The following IGSF3 variants were observed in gnomAD, a reference collection of about 807,000 sequenced individuals.
IGSF3 encodes glu-Trp-Ile EWI motif-containing protein 3.
IGSF3 carries 23 observed loss-of-function variants against 114.4 expected under a neutral mutation model. The ratio of observed to expected loss-of-function variants is 0.20; its 90% CI spans 0.14 to 0.28. The LOEUF (loss-of-function observed/expected upper bound fraction) is 0.28, where lower values mean the gene tolerates loss of function less well. Among genes scored for constraint, IGSF3 ranks in the 10% least tolerant of loss-of-function variants. The pLI is 1.00. For missense variants in IGSF3, 1,172 were observed against 1,591.5 expected, an observed-to-expected ratio of 0.74 and a Z score of 4.48; for synonymous variants, 571 against 645.2, an observed-to-expected ratio of 0.88 and a Z score of 1.74.
At position 116,608,182 on chromosome 1, in the gene IGSF3, T is replaced by C. The variant is rs1660869361; in HGVS notation, c.982A>G (p.Met328Val). The part of the protein sequence containing the change: ...WAFNSSLIAT[M>V]GPNAVPVLNS... ...AGGACAGGCACAGCGTTAGGACCCA[T>C]GGTGGCGATGAGCGAGCTGTTGAAG... The change falls in exon 5 of 11, where the codon ATG becomes GTG. Residue 328 changes from methionine to valine, a missense_variant. Coordinates refer to ENST00000369486, the MANE Select transcript of IGSF3 (RefSeq NM_001007237.3). 3 of 1,612,278 alleles carry C rather than the reference T, an allele frequency of 1.9e-6. No individual in the cohort carries two copies. The highest frequency in any genetic ancestry group is 2.2e-5 in the South Asian group (2 of 91,022).
intron 2 of IGSF3, among the ~76,000 whole-genome samples, chr1:116,620,478 T>C (rs548681105): frequency 6.6e-6 from 1 of 152,268 alleles, no homozygotes; most frequent in East Asian, 1.9e-4. Flanking sequence ...TCAGCACTAC[T>C]CCCCTCTCAG....
rs140674597 is a variant in IGSF3, at chr1:116,657,253, C to T, written c.43+9031G>A. On this transcript the variant is annotated intron_variant, in intron 2 of 10. Transcript: ENST00000369486. This position sits in a 1 kb window ranked among gnomAD's most constrained non-coding sequence, Gnocchi z 4.2. ...GCTGCTCAACTCTGCATCTCCTTTC[C>T]TCTCCCTGATGAAAAGTGCCACCTA... Among the ~76,000 whole-genome samples, 371 of 152,246 alleles carry T rather than the reference C, an allele frequency of 2.4e-3. 2 individuals are homozygous for T. The highest frequency in any genetic ancestry group is 8.5e-3 in the African/African-American group (353 of 41,544).
In IGSF3 at chr1:116,636,856, CA is replaced by C. The variant is rs1647853745; in HGVS notation, c.44-20400del. On this transcript the variant is annotated intron_variant, in intron 2 of 10. Transcript: ENST00000369486. The surrounding 1 kb of genome is among the most constrained non-coding windows in gnomAD (Gnocchi z 4.5). Reference sequence around the variant, plus strand: ...TTCCTGGCTTTAAAACAAATTGTGACAAATGGCTCCACAGATCTACCGGGCC... The same window carrying C: ...TTCCTGGCTTTAAAACAAATTGTGACAATGGCTCCACAGATCTACCGGGCC... Among the ~76,000 whole-genome samples the C allele has an allele frequency of 6.6e-6, 1 of 152,114 alleles. No homozygotes were observed. Among genetic ancestry groups the C allele is most frequent in the African/African-American group, 2.4e-5 (1 of 41,408 alleles).
intron 9 of IGSF3, among the ~76,000 whole-genome samples, chr1:116,580,798 GA>G (rs1659572191): frequency 6.6e-6 from 1 of 152,206 alleles, no homozygotes; most frequent in Non-Finnish European, 1.5e-5. Flanking sequence ...AAGACAGAGA[GA>G]AAGTGGCCAT....
intron 4 of IGSF3, among the ~76,000 whole-genome samples, chr1:116,611,578 G>A (rs562794939): frequency 3.3e-4 from 50 of 151,960 alleles, no homozygotes; most frequent in African/African-American, 9.2e-4. Context: ...CTCAACATCC[G>A]GAACTAGTCA....
chr1:116,658,137 G>A (rs1468214564), intron 2 of IGSF3, among the ~76,000 whole-genome samples: 5 of 151,974 alleles, frequency 3.3e-5, no homozygotes, highest in Admixed American at 6.6e-5. Context: ...CGCCTCCCAG[G>A]TTCAAGAGAT....
Position 116,657,962 on chromosome 1 carries a change from A to T in IGSF3, c.43+8322T>A, listed in dbSNP as rs866534673. Among the ~76,000 whole-genome samples, 2 of 152,016 alleles carry T rather than the reference A, an allele frequency of 1.3e-5. No homozygotes were observed. The highest frequency in any genetic ancestry group is 4.2e-4 in the South Asian group (2 of 4,816). On this transcript the variant is annotated intron_variant, in intron 2 of 10. Transcript: ENST00000369486. The surrounding 1 kb of genome is among the most constrained non-coding windows in gnomAD (Gnocchi z 4.2). ...CCTGGACACCTGAAAGTTGACGGGAAGCAGGCATTACTCATTTCTCCGAGT... is the reference window on the plus strand; with the variant it reads ...CCTGGACACCTGAAAGTTGACGGGATGCAGGCATTACTCATTTCTCCGAGT...
rs985393201 is a variant in IGSF3 at position 116,576,135 on chromosome 1, G to A, written c.*1177C>T. 1.3e-5 allele frequency: 2 copies of A among 152,286 alleles called. No individual in the cohort carries two copies. Among genetic ancestry groups the A allele is most frequent in the African/African-American group, 4.8e-5 (2 of 41,418 alleles). 9.4% of individuals were successfully genotyped at this position (152,286 alleles called of 1,614,324 possible). A position where few individuals can be genotyped will look rare whatever the true frequency, so the allele number is the denominator to read the frequency against. ...AAAAACCTAGTCTTCACACCTCCAG[G>A]GAGGTAGATATTTCTCTGCACTCTC... On this transcript the variant is annotated 3_prime_UTR_variant, in exon 11 of 11. Coordinates refer to ENST00000369486, the MANE Select transcript of IGSF3 (RefSeq NM_001007237.3). The surrounding 1 kb of genome is among the most constrained non-coding windows in gnomAD (Gnocchi z 4.6).
rs1649173651 is a variant in IGSF3 at position 116,662,955 on chromosome 1, G to T, written c.43+3329C>A. Among the ~76,000 whole-genome samples, 1 of 152,132 alleles carries T rather than the reference G, an allele frequency of 6.6e-6. No individual in the cohort carries two copies. Among genetic ancestry groups the T allele is most frequent in the African/African-American group, 2.4e-5 (1 of 41,424 alleles). ...CTAACTAACTGGGAAGTAAGAGATG[G>T]CTTCCTCAGCCTTACCGTATTCAAA... On this transcript the variant is annotated intron_variant, in intron 2 of 10. Coordinates refer to ENST00000369486, the MANE Select transcript of IGSF3 (RefSeq NM_001007237.3). The surrounding 1 kb of genome is among the most constrained non-coding windows in gnomAD (Gnocchi z 4.3).
Position 116,605,670 on chromosome 1 carries a change from G to C in IGSF3, c.1223-1645C>G, listed in dbSNP as rs560412217. 3.3e-5 allele frequency among the ~76,000 whole-genome samples: 5 copies of C among 152,182 alleles called. No homozygotes were observed. Among genetic ancestry groups the C allele is most frequent in the Non-Finnish European group, 5.9e-5 (4 of 68,040 alleles). On this transcript the variant is annotated intron_variant, in intron 5 of 10. Coordinates refer to ENST00000369486, the MANE Select transcript of IGSF3 (RefSeq NM_001007237.3). The surrounding 1 kb of genome is among the most constrained non-coding windows in gnomAD (Gnocchi z 5.1). ...CCTACTTCTTAGGGCATGACATTGA[G>C]AGGATCAGATGAGGTACTTATTTTT...
intron 5 of IGSF3, among the ~76,000 whole-genome samples, chr1:116,606,946 G>A (rs1260672473): frequency 2.6e-5 from 4 of 152,198 alleles, no homozygotes; most frequent in East Asian, 1.9e-4. Flanking sequence ...TCCAGTTGAT[G>A]AGAAAAGAAG....
At chr1:116,602,242 C>T (rs1328525458) in intron 6 of IGSF3, among the ~76,000 whole-genome samples, 1 of 152,038 alleles carries the variant, frequency 6.6e-6, no homozygotes, top group Non-Finnish European at 1.5e-5. Flanking sequence ...TGAGAACCAC[C>T]AGACATATGG....
At chr1:116,587,705 G>A (rs1302334456) in intron 8 of IGSF3, among the ~76,000 whole-genome samples, 1 of 152,220 alleles carries the variant, frequency 6.6e-6, no homozygotes, top group Non-Finnish European at 1.5e-5. Context: ...GCTTCTTGGA[G>A]GTGGTGCTGA....
In IGSF3 at chr1:116,599,985, G is replaced by A. The variant is rs200268790; in HGVS notation, c.1985C>T (p.Ala662Val). 74 of 1,613,804 alleles carry A rather than the reference G, an allele frequency of 4.6e-5. No homozygotes were observed. The highest frequency in any genetic ancestry group is 9.3e-5 in the African/African-American group (7 of 74,930). ...KNYNNTWTRL[A>V]ERTSNLLEIR... ...CTCCAGCAGGTTGGAGGTCCTCTCCGCCAGTCGCGTCCAGGTGTTGTTGTA... is the reference window on the plus strand; with the variant it reads ...CTCCAGCAGGTTGGAGGTCCTCTCCACCAGTCGCGTCCAGGTGTTGTTGTA... Residue 662 changes from alanine to valine, a missense_variant, in exon 7 of 11, where the codon GCG (alanine) becomes GTG (valine). By Grantham distance (64) the Ala-to-Val change is moderately conservative (BLOSUM62 0). This residue lies in a region of IGSF3 where 736 missense variants were observed against 1,042.0 expected (regional missense o/e 0.71). Transcript: ENST00000369486.
chr1:116,591,621 T>C (rs774157540), intron 7 of IGSF3, among the ~76,000 whole-genome samples: 2 of 152,224 alleles, frequency 1.3e-5, no homozygotes, highest in Admixed American at 6.5e-5. Context: ...TTTTTTAAAT[T>C]TGGTGCACGT....
rs1384649329 is a variant in IGSF3 at position 116,649,932 on chromosome 1, C to CA, written c.43+16351dup. 6.6e-6 allele frequency among the ~76,000 whole-genome samples: 1 copy of CA among 152,202 alleles called. No homozygotes were observed. The highest frequency in any genetic ancestry group is 6.5e-5 in the Admixed American group (1 of 15,284). ...GTCTTCACAGGTTTGCTCATGCCAC[C>CA]ATTCCTTTCCCCAGAACGCCCTTCT... On this transcript the variant is annotated intron_variant, in intron 2 of 10. Transcript: ENST00000369486. The surrounding 1 kb of genome is among the most constrained non-coding windows in gnomAD (Gnocchi z 4.5).
rs190313950 is a variant in IGSF3 at position 116,632,640 on chromosome 1, A to T, written c.44-16183T>A. Reference sequence around the variant, plus strand: ...CTCCTCAAACTTAAGAAAAGCATTAAAGGAAATCCATGCTCTGGAGGGGAG... The same window carrying T: ...CTCCTCAAACTTAAGAAAAGCATTATAGGAAATCCATGCTCTGGAGGGGAG... On this transcript the variant is annotated intron_variant, in intron 2 of 10. Transcript: ENST00000369486. The surrounding 1 kb of genome is among the most constrained non-coding windows in gnomAD (Gnocchi z 5.1). Among the ~76,000 whole-genome samples, 1 of 152,320 alleles carries T rather than the reference A, an allele frequency of 6.6e-6. No homozygotes were observed. The highest frequency in any genetic ancestry group is 1.9e-4 in the East Asian group (1 of 5,184).
Position 116,612,309 on chromosome 1 carries a change from T to C in IGSF3, c.832+1456A>G, listed in dbSNP as rs202118729. Reference sequence around the variant, plus strand: ...ATGTCCTACAGAGCAGATAAAGTGCTCCCTATCCCTACCAACCCCTACGGT... The same window carrying C: ...ATGTCCTACAGAGCAGATAAAGTGCCCCCTATCCCTACCAACCCCTACGGT... On this transcript the variant is annotated intron_variant, in intron 4 of 10. Coordinates refer to ENST00000369486, the MANE Select transcript of IGSF3 (RefSeq NM_001007237.3). The surrounding 1 kb of genome is among the most constrained non-coding windows in gnomAD (Gnocchi z 4.1). 2.4e-4 allele frequency among the ~76,000 whole-genome samples: 37 copies of C among 152,122 alleles called. No homozygotes were observed. Among genetic ancestry groups the C allele is most frequent in the Admixed American group, 2.4e-3 (37 of 15,286 alleles).
chr1:116,632,356 G>A lies in IGSF3; in HGVS notation c.44-15899C>T, dbSNP rs1412089135. On this transcript the variant is annotated intron_variant, in intron 2 of 10. Coordinates refer to ENST00000369486, the MANE Select transcript of IGSF3 (RefSeq NM_001007237.3). The surrounding 1 kb of genome is among the most constrained non-coding windows in gnomAD (Gnocchi z 5.1). ...GCCAGATGAGATATGGATCTGTGGG[G>A]GGAAGAAGGGGTGGGCGTGCTAGCA... Among the ~76,000 whole-genome samples the A allele has an allele frequency of 6.6e-6, 1 of 152,118 alleles. No individual in the cohort carries two copies. Among genetic ancestry groups the A allele is most frequent in the African/African-American group, 2.4e-5 (1 of 41,412 alleles).
Sources: allele counts gnomAD v4.1 joint callset (sites outside exome capture counted in the v4.1 genomes callset), GRCh38; gene constraint gnomAD v4.1.1; regional missense constraint gnomAD v4.1.1; non-coding constraint Gnocchi (gnomAD v3.1); transcripts MANE v1.5; gene names NCBI Gene and HGNC (gene_info 2026-07-23, HGNC 2026-07-21).